The following ACACB variants were observed in gnomAD, a reference collection of about 807,000 sequenced individuals.
The protein encoded by ACACB is acetyl-CoA carboxylase 2.
Under a neutral mutation model 278.8 loss-of-function variants are expected in ACACB, and 209 were observed. That is an observed-to-expected ratio of 0.75 (90% CI 0.67 to 0.84). ACACB has a LOEUF of 0.84. ACACB is among the 40% of genes least tolerant of loss of function. The probability of loss-of-function intolerance (pLI) is 0.00; values close to 1 mark genes in which losing one functional copy is unlikely to be tolerated. For missense variants in ACACB, 2,850 were observed against 3,269.0 expected (o/e 0.87, Z 3.13); for synonymous variants, 1,174 against 1,285.6 (o/e 0.91, Z 1.86).
intron 37 of ACACB, among the ~76,000 whole-genome samples, chr12:109,245,254 T>C (rs759560): frequency 0.8 from 122,278 of 152,048 alleles, 49,493 homozygotes; most frequent in Admixed American, 0.87. Flanking sequence ...CAAAACGATA[T>C]TGTATGTTTC....
chr12:109,256,264 C>G (rs2136794539), intron 45 of ACACB, 28 bp downstream of exon 45: 2 of 1,593,532 alleles, frequency 1.3e-6, no homozygotes, highest in Middle Eastern at 1.7e-4. Context: ...AGCAGGCTGC[C>G]CATGTCTGAC....
intron 1 of ACACB, among the ~76,000 whole-genome samples, chr12:109,128,145 T>C (rs1642035): frequency 2.0e-5 from 3 of 152,052 alleles, no homozygotes; most frequent in Non-Finnish European, 1.5e-5. Flanking sequence ...TTTTCCTGAT[T>C]CTGAGATTCT....
At chr12:109,256,315 T>TCCA in intron 45 of ACACB, 79 bp downstream of exon 45, 1 of 1,102,820 alleles carries the variant, frequency 9.1e-7, no homozygotes. Flanking sequence ...GCCAGGGACC[T>TCCA]CCAGGGGCAA....
chr12:109,154,435 T>G (rs2043461128), intron 2 of ACACB, among the ~76,000 whole-genome samples: 2 of 152,240 alleles, frequency 1.3e-5, no homozygotes, highest in African/African-American at 2.4e-5. Flanking sequence ...TTCAAGCATA[T>G]CAATTGCTGC....
intron 28 of ACACB, among the ~76,000 whole-genome samples, chr12:109,230,413 T>A (rs1205455255): frequency 6.6e-6 from 1 of 152,094 alleles, no homozygotes; most frequent in African/African-American, 2.4e-5. Context: ...TGAGAAGGAC[T>A]CTTTTGATTT....
intron 2 of ACACB, among the ~76,000 whole-genome samples, chr12:109,163,842 G>C (rs541291368): frequency 6.6e-6 from 1 of 152,176 alleles, no homozygotes; most frequent in Non-Finnish European, 1.5e-5. Flanking sequence ...TAGAGACGGG[G>C]TTTCACCATG....
At chr12:109,196,079 A>T (rs1213244078) in intron 16 of ACACB, among the ~76,000 whole-genome samples, 1 of 152,122 alleles carries the variant, frequency 6.6e-6, no homozygotes, top group African/African-American at 2.4e-5. Context: ...TAAACTGTGA[A>T]TTTTATAGGT....
rs768497415 is a variant in ACACB at position 109,252,121 on chromosome 12, C to G, written c.5866C>G (p.His1956Asp). ...GCGAGTGATCCAGGTGGAGAATTCC[C>G]ACATCATCCTCACAGGAGCAAGTGC... The part of the protein sequence containing the change: ...GQRVIQVENS[H>D]IILTGASALN... Residue 1956 changes from histidine (H) to aspartate (D), a missense_variant, in exon 42 of 53, where the codon CAC becomes GAC. Physicochemically the swap from His to Asp is moderately conservative, Grantham distance 81. This residue lies in a region of ACACB where 579 missense variants were observed against 684.6 expected (regional missense o/e 0.85). Coordinates refer to ENST00000338432, the MANE Select transcript of ACACB (RefSeq NM_001093.4). The G allele has an allele frequency of 6.2e-7, 1 of 1,613,198 alleles. No individual in the cohort carries two copies. The highest frequency in any genetic ancestry group is 8.5e-7 in the Non-Finnish European group (1 of 1,179,700).
intron 9 of ACACB, among the ~76,000 whole-genome samples, chr12:109,178,091 A>T (rs2044336504): frequency 6.6e-6 from 1 of 152,174 alleles, no homozygotes; most frequent in Non-Finnish European, 1.5e-5. Flanking sequence ...CTCAGATGTA[A>T]CCACTATTAG....
Position 109,174,124 on chromosome 12 carries a change from T to C in ACACB, c.1118-8T>C, listed in dbSNP as rs1274326477. On this transcript the variant is annotated splice_polypyrimidine_tract_variant and splice_region_variant and intron_variant, in intron 6 of 52. Transcript: ENST00000338432. ...ATTCTGCTTCCCTTCTTGTCCCCGA[T>C]TCCTCAGGCCCTCCCAGTGAGGCCA... 1 of 1,607,036 alleles carries C rather than the reference T, an allele frequency of 6.2e-7. No homozygotes were observed. The highest frequency in any genetic ancestry group is 8.5e-7 in the Non-Finnish European group (1 of 1,176,866).
chr12:109,206,623 C>G (rs2045523709), intron 19 of ACACB, 87 bp from the exon 20 acceptor site: 7 of 1,487,818 alleles, frequency 4.7e-6, no homozygotes, highest in Non-Finnish European at 5.5e-6. Flanking sequence ...CGGAAGCCGG[C>G]AGATCTGTCC....
At chr12:109,115,905 A>G (rs1178866268), upstream of ACACB, among the ~76,000 whole-genome samples, 2 of 152,220 alleles carry the variant, frequency 1.3e-5, no homozygotes, top group East Asian at 1.9e-4. Flanking sequence ...CCTGAGCACA[A>G]TGTGCTCCTA....
chr12:109,180,825 C>T (rs555987515), intron 11 of ACACB, among the ~76,000 whole-genome samples: 1 of 152,208 alleles, frequency 6.6e-6, no homozygotes, highest in Admixed American at 6.5e-5. Flanking sequence ...TATGAATATT[C>T]CAATTATACT....
intron 2 of ACACB, among the ~76,000 whole-genome samples, chr12:109,154,475 G>A (rs1346620010): frequency 1.3e-5 from 2 of 152,242 alleles, no homozygotes; most frequent in East Asian, 3.8e-4. Context: ...ATATTGGGGA[G>A]CAAAGCAGAA....
At chr12:109,122,219 C>T (rs1232822258) in intron 1 of ACACB, among the ~76,000 whole-genome samples, 2 of 152,136 alleles carry the variant, frequency 1.3e-5, no homozygotes, top group South Asian at 2.1e-4. Context: ...AGTGACTTTG[C>T]GTCACTTCAA....
At position 109,210,041 on chromosome 12, in the gene ACACB, GTGTATATATACACACACGTGTGTA is replaced by G. The variant is rs2045674780; in HGVS notation, c.3249+690_3249+713del. Among the ~76,000 whole-genome samples the G allele has an allele frequency of 2.7e-5, 2 of 73,734 alleles. 1 individual carries two copies. Among genetic ancestry groups the G allele is most frequent in the African/African-American group, 1.2e-4 (2 of 16,336 alleles). 48.4% of individuals were successfully genotyped at this position (73,734 alleles called of 152,430 possible). ...CACACGTGTGTATATATGTGTATAT[GTGTATATATACACACACGTGTGTA>G]TATATGTGTATATATGTATATATAC... On this transcript the variant is annotated intron_variant, in intron 21 of 52. Coordinates refer to ENST00000338432, the MANE Select transcript of ACACB (RefSeq NM_001093.4).
chr12:109,229,929 A>G (rs2046420624), intron 28 of ACACB, among the ~76,000 whole-genome samples: 1 of 152,188 alleles, frequency 6.6e-6, no homozygotes, highest in African/African-American at 2.4e-5. Flanking sequence ...TAGGTCAGGT[A>G]GAGTGGGATA....
At chr12:109,198,007 C>T (rs2045202365) in intron 17 of ACACB, among the ~76,000 whole-genome samples, 1 of 152,144 alleles carries the variant, frequency 6.6e-6, no homozygotes, top group African/African-American at 2.4e-5. Context: ...AGATGATCCC[C>T]CCACCTCAGT....
chr12:109,139,606 G>T lies in ACACB; in HGVS notation c.201G>T (p.Leu67=), dbSNP rs571766506. 4.3e-6 allele frequency: 7 copies of T among 1,614,044 alleles called. No individual in the cohort carries two copies. In the Admixed American group the frequency reaches 1.0e-4, roughly 23 times the overall value. ...TPQRNGEGHT[L]PKTPSQAEPA... is the part of the protein sequence containing the mutation. ...AGAGAAATGGGGAGGGCCACACTCT[G>T]CCCAAGACACCCAGCCAGGCCGAGC... The change falls in exon 2 of 53, where the codon CTG becomes CTT. Residue 67 remains leucine (L), a synonymous_variant. Coordinates refer to ENST00000338432, the MANE Select transcript of ACACB (RefSeq NM_001093.4).
Sources: gnomAD v4.1 joint callset for allele counts (sites outside exome capture counted in the v4.1 genomes callset) on GRCh38, gnomAD v4.1.1 for gene constraint, gnomAD v4.1.1 regional missense constraint, MANE v1.5 for transcripts, NCBI Gene and HGNC (gene_info 2026-07-23, HGNC 2026-07-21) for gene names.